The following FOCAD variants were observed in gnomAD, a reference collection of about 807,000 sequenced individuals.
FOCAD encodes focadhesin.
FOCAD carries 198 observed loss-of-function variants against 225.6 expected under a neutral mutation model. The observed-to-expected ratio is 0.88, with a 90% CI of 0.78 to 0.99. FOCAD has a LOEUF of 0.99. Among genes scored for constraint, FOCAD ranks in the 50% least tolerant of loss-of-function variants. The pLI is 0.00. For missense variants in FOCAD, 2,713 were observed against 2,123.6 expected, an observed-to-expected ratio of 1.28 and a Z score of -5.46; for synonymous variants, 897 against 755.0, an observed-to-expected ratio of 1.19 and a Z score of -3.08.
intron 4 of FOCAD, 125 bp from the exon 5 acceptor site, chr9:20,740,111 T>C: frequency 1.7e-6 from 1 of 592,884 alleles, no homozygotes; most frequent in South Asian, 2.3e-5. Flanking sequence ...GTTGAGGGCC[T>C]GTGGGTGGCT....
At chr9:20,695,969 T>C (rs1014010272) in intron 1 of FOCAD, among the ~76,000 whole-genome samples, 1 of 152,262 alleles carries the variant, frequency 6.6e-6, no homozygotes, top group Non-Finnish European at 1.5e-5. Flanking sequence ...TTTTATCATA[T>C]AGCTTTTTTT....
chr9:20,890,029 A>G (rs1292504561), intron 21 of FOCAD, among the ~76,000 whole-genome samples: 2 of 152,040 alleles, frequency 1.3e-5, no homozygotes, highest in African/African-American at 4.8e-5. Flanking sequence ...TAATCATCCA[A>G]TTGATTTTTT....
intron 21 of FOCAD, among the ~76,000 whole-genome samples, chr9:20,902,166 A>G (rs2131985848): frequency 6.6e-6 from 1 of 152,060 alleles, no homozygotes; most frequent in African/African-American, 2.4e-5. Flanking sequence ...TCCAGCATGA[A>G]TAGAACATGA....
At chr9:20,982,320 AC>A in intron 38 of FOCAD, 36 bp from the exon 39 acceptor site, 1 of 1,412,786 alleles carries the variant, frequency 7.1e-7, no homozygotes, top group Non-Finnish European at 1.0e-6. Flanking sequence ...GTTATTTTAC[AC>A]TGTTTGTTGA....
chr9:20,878,582 T>C lies in FOCAD; in HGVS notation c.2318-3289T>C, dbSNP rs528912378. Among the ~76,000 whole-genome samples, 7 of 152,334 alleles carry C rather than the reference T, an allele frequency of 4.6e-5. No homozygotes were observed. The East Asian group carries it at 5.8e-4, about 13-fold the overall frequency. ...CTCTTCCACTCTGTTGTAAGGAATATAGTAAGAAGGAATTGTATTTGGCTT... is the reference window on the plus strand; with the variant it reads ...CTCTTCCACTCTGTTGTAAGGAATACAGTAAGAAGGAATTGTATTTGGCTT... On this transcript the variant is annotated intron_variant, in intron 19 of 43. Transcript: ENST00000338382.
intron 2 of FOCAD, among the ~76,000 whole-genome samples, chr9:20,674,901 G>C (rs912816005): frequency 6.6e-6 from 1 of 152,152 alleles, no homozygotes; most frequent in Non-Finnish European, 1.5e-5. Flanking sequence ...TACTTAATAA[G>C]TTCCTGGGAT....
At chr9:20,871,136 G>T (rs1193444061) in intron 18 of FOCAD, among the ~76,000 whole-genome samples, 1 of 151,934 alleles carries the variant, frequency 6.6e-6, no homozygotes, top group East Asian at 1.9e-4. Context: ...CCCTGGAGGT[G>T]GAGGTTGCAG....
At chr9:20,928,773 G>T (rs112411540) in intron 26 of FOCAD, among the ~76,000 whole-genome samples, 4 of 152,192 alleles carry the variant, frequency 2.6e-5, no homozygotes, top group African/African-American at 9.6e-5. Context: ...TAATTAAAAG[G>T]AATTAACCCC....
chr9:20,741,191 G>A (rs986796651), intron 5 of FOCAD, among the ~76,000 whole-genome samples: 4 of 152,204 alleles, frequency 2.6e-5, no homozygotes, highest in Middle Eastern at 3.2e-3. Context: ...TACTTTTGCT[G>A]TGAGCCACCA....
chr9:20,887,289 C>A (rs941827085), intron 21 of FOCAD, among the ~76,000 whole-genome samples: 10 of 151,628 alleles, frequency 6.6e-5, no homozygotes, highest in Admixed American at 5.3e-4. Flanking sequence ...GGCTGGAGTG[C>A]AATGGTGCAA....
Position 20,988,366 on chromosome 9 carries a change from G to C in FOCAD, c.4941G>C (p.Leu1647=). Residue 1647 remains leucine, a synonymous_variant, in exon 41 of 44, where the codon CTG becomes CTC. Coordinates refer to ENST00000338382, the MANE Select transcript of FOCAD (RefSeq NM_001375567.1). ...AGAGAATGGAGTGGCTCTTGGAACT[G>C]ATGGGTTATATTAGAAATGTTGCTT... The part of the protein sequence containing the change: ...VLKRMEWLLE[L]MGYIRNVAYQ... 2 of 1,611,962 alleles carry C rather than the reference G, an allele frequency of 1.2e-6. No homozygotes were observed. Among genetic ancestry groups the C allele is most frequent in the Non-Finnish European group, 1.7e-6 (2 of 1,178,922 alleles).
chr9:20,723,501 A>G (rs1825953565), intron 4 of FOCAD, among the ~76,000 whole-genome samples: 1 of 152,218 alleles, frequency 6.6e-6, no homozygotes, highest in Non-Finnish European at 1.5e-5. Context: ...CTCAAAAGAG[A>G]AAAGTAGTGT....
chr9:20,763,719 T>C (rs1293232472), intron 6 of FOCAD, among the ~76,000 whole-genome samples: 5 of 152,092 alleles, frequency 3.3e-5, no homozygotes, highest in African/African-American at 1.2e-4. Flanking sequence ...TGTGGTTTAG[T>C]GGTGAATGAA....
At chr9:20,752,951 C>T (rs1828704278) in intron 5 of FOCAD, among the ~76,000 whole-genome samples, 1 of 149,292 alleles carries the variant, frequency 6.7e-6, no homozygotes, top group Admixed American at 6.7e-5. Flanking sequence ...CATGATTTGG[C>T]TCTCTGTTTG....
chr9:20,773,746 T>A (rs1032439430), intron 8 of FOCAD, among the ~76,000 whole-genome samples: 1 of 152,172 alleles, frequency 6.6e-6, no homozygotes, highest in Non-Finnish European at 1.5e-5. Context: ...TTAAAGGTCA[T>A]CCCCTTTCGT....
chr9:20,737,357 ATAAT>A (rs1346005193), intron 4 of FOCAD, among the ~76,000 whole-genome samples: 1 of 151,958 alleles, frequency 6.6e-6, no homozygotes, highest in African/African-American at 2.4e-5. Context: ...TGACAAATAA[ATAAT>A]TAAGGAAAAC....
chr9:20,757,981 G>A (rs1222541868), intron 5 of FOCAD, 109 bp from the exon 6 acceptor site: 1 of 544,416 alleles, frequency 1.8e-6, no homozygotes, highest in African/African-American at 2.0e-5. Context: ...TATGAATCGT[G>A]AAAAAAGTCT....
chr9:20,840,551 A>T (rs1171956551), intron 15 of FOCAD, among the ~76,000 whole-genome samples: 1 of 145,454 alleles, frequency 6.9e-6, no homozygotes, highest in Admixed American at 6.8e-5. Context: ...TGTTTTTTTC[A>T]TATTATTTAC....
chr9:20,930,315 T>G (rs1012820337), intron 27 of FOCAD, among the ~76,000 whole-genome samples: 1 of 152,234 alleles, frequency 6.6e-6, no homozygotes, highest in African/African-American at 2.4e-5. Context: ...TTATTTATTT[T>G]CTAGCAATTC....
Sources: allele counts gnomAD v4.1 joint callset (sites outside exome capture counted in the v4.1 genomes callset), GRCh38; gene constraint gnomAD v4.1.1; transcripts MANE v1.5; gene names NCBI Gene and HGNC (gene_info 2026-07-23, HGNC 2026-07-21).